The following JRK variants were observed in gnomAD, a reference collection of about 807,000 sequenced individuals.
The protein encoded by JRK is Jrk helix-turn-helix protein, also known as jerky protein homolog.
For missense variants in JRK, 720 were observed against 509.2 expected (o/e 1.41, Z -3.98); for synonymous variants, 303 against 218.1 (o/e 1.39, Z -3.43).
In JRK at chr8:142,660,675, T is replaced by A. The variant is rs1313906581; in HGVS notation, c.*3677A>T. 3.0e-6 allele frequency: 3 copies of A among 984,294 alleles called. No individual in the cohort carries two copies. Among genetic ancestry groups the A allele is most frequent in the Non-Finnish European group, 3.6e-6 (3 of 829,092 alleles). The allele number at this position is 984,294 out of a possible 1,614,324, so 61.0% of individuals were successfully genotyped here. A position where few individuals can be genotyped will look rare whatever the true frequency, so the allele number is the denominator to read the frequency against. Reference sequence around the variant, plus strand: ...CCGTGGCCTTCCAGAGTACTGGGATTTCAGGCAGAAGCCACCACACCCGGA... The same window carrying A: ...CCGTGGCCTTCCAGAGTACTGGGATATCAGGCAGAAGCCACCACACCCGGA... On this transcript the variant is annotated 3_prime_UTR_variant, in exon 2 of 2. Transcript: ENST00000612905.
rs1432718809 is a variant in JRK at position 142,663,444 on chromosome 8, T to C, written c.*908A>G. 1 of 985,356 alleles carries C rather than the reference T, an allele frequency of 1.0e-6. No homozygotes were observed. The highest frequency in any genetic ancestry group is 1.2e-6 in the Non-Finnish European group (1 of 829,944). The allele number at this position is 985,356 out of a possible 1,614,324, so 61.0% of individuals were successfully genotyped here. ...AATCTAAGCAGCCTGTTTTACTGTT[T>C]TCAGTGACTTACGTGCAAACCTAAG... On this transcript the variant is annotated 3_prime_UTR_variant, in exon 2 of 2. Transcript: ENST00000612905.
At chr8:142,669,098 T>C (rs782018125) in intron 1 of JRK, among the ~76,000 whole-genome samples, 6 of 151,712 alleles carry the variant, frequency 4.0e-5, no homozygotes, top group Non-Finnish European at 5.9e-5. Flanking sequence ...GACTCCGTCC[T>C]GTGTGAGGCT....
chr8:142,668,483 A>G (rs1412002816), intron 1 of JRK, among the ~76,000 whole-genome samples: 2 of 151,996 alleles, frequency 1.3e-5, no homozygotes, highest in African/African-American at 4.8e-5. Flanking sequence ...ACCATGGGGA[A>G]CAGGAGGGAA....
In JRK at chr8:142,658,391, CTTT is replaced by C. The variant is rs10656550; in HGVS notation, c.*5958_*5960del. 4.2e-3 allele frequency: 614 copies of C among 146,006 alleles called. 2 individuals carry two copies. The highest frequency in any genetic ancestry group is 8.1e-3 in the African/African-American group (322 of 39,658). The allele number at this position is 146,006 out of a possible 1,614,324, so 9.0% of individuals were successfully genotyped here. ...AGATGGCAATTTTCTATTTTATTTC[CTTT>C]TTTTTTTTTTTTAGCAATAAGGTCT... On this transcript the variant is annotated 3_prime_UTR_variant, in exon 2 of 2. Coordinates refer to ENST00000612905, the MANE Select transcript of JRK (RefSeq NM_003724.4).
At position 142,661,377 on chromosome 8, in the gene JRK, T is replaced by TA. The variant is rs1846910888; in HGVS notation, c.*2974_*2975insT. On this transcript the variant is annotated 3_prime_UTR_variant, in exon 2 of 2. Transcript: ENST00000612905. ...TCCCGAGGGATGGGAGCTCCCAGAG[T>TA]GGAGGCTGCCTGTCCCGAGTGAGGA... 1.0e-6 allele frequency: 1 copy of TA among 985,120 alleles called. No homozygotes were observed. Among genetic ancestry groups the TA allele is most frequent in the South Asian group, 4.7e-5 (1 of 21,272 alleles). The allele number at this position is 985,120 out of a possible 1,614,324, so 61.0% of individuals were successfully genotyped here.
In JRK at chr8:142,661,470, A is replaced by ATGAAGGCAGT; in HGVS notation, c.*2881_*2882insACTGCCTTCA. ...CAAAGATGAAGGCAGTGGTGGAAAG[A>ATGAAGGCAGT]GGTTCTATTAGCAGGCTGGAAGCAG... On this transcript the variant is annotated 3_prime_UTR_variant, in exon 2 of 2. Transcript: ENST00000612905. The ATGAAGGCAGT allele has an allele frequency of 1.0e-6, 1 of 985,488 alleles. No individual in the cohort carries two copies. Among genetic ancestry groups the ATGAAGGCAGT allele is most frequent in the Non-Finnish European group, 1.2e-6 (1 of 829,984 alleles). 61.0% of individuals were successfully genotyped at this position (985,488 alleles called of 1,614,324 possible).
At chr8:142,666,958 A>T (rs1480978088) in intron 1 of JRK, among the ~76,000 whole-genome samples, 1 of 152,246 alleles carries the variant, frequency 6.6e-6, no homozygotes, top group East Asian at 1.9e-4. Flanking sequence ...CAAATCCCTT[A>T]TTCCTCCCTG....
chr8:142,663,484 G>T lies in JRK; in HGVS notation c.*868C>A. 1.0e-6 allele frequency: 1 copy of T among 985,422 alleles called. No homozygotes were observed. Among genetic ancestry groups the T allele is most frequent in the Non-Finnish European group, 1.2e-6 (1 of 829,910 alleles). The allele number at this position is 985,422 out of a possible 1,614,324, so 61.0% of individuals were successfully genotyped here. A position where few individuals can be genotyped will look rare whatever the true frequency, so the allele number is the denominator to read the frequency against. ...GCAAACCTAAGACTAATCTCTGAAT[G>T]TCTGATCAAGACGTATTCATGTAAA... On this transcript the variant is annotated 3_prime_UTR_variant, in exon 2 of 2. Coordinates refer to ENST00000612905, the MANE Select transcript of JRK (RefSeq NM_003724.4).
At chr8:142,647,148 T>C in the JRK span, among the ~76,000 whole-genome samples, 163 of 152,264 alleles carry the variant, frequency 1.1e-3, 2 homozygotes, top group East Asian at 0.03. Flanking sequence ...AAAGATTACC[T>C]ACGTTCTTAA....
chr8:142,650,377 A>G, the JRK span, among the ~76,000 whole-genome samples: 1 of 152,204 alleles, frequency 6.6e-6, no homozygotes, highest in Non-Finnish European at 1.5e-5. Flanking sequence ...ATGTGAGGAC[A>G]TGAGATTTGG....
At chr8:142,657,225 T>A (rs1395242446), downstream of JRK, among the ~76,000 whole-genome samples, 1 of 152,176 alleles carries the variant, frequency 6.6e-6, no homozygotes, top group Non-Finnish European at 1.5e-5. Flanking sequence ...TCTACAATCA[T>A]GCTACCCAGA....
the JRK span, among the ~76,000 whole-genome samples, chr8:142,644,335 CATAATA>C: frequency 6.6e-6 from 1 of 152,012 alleles, no homozygotes; most frequent in Admixed American, 6.6e-5. Flanking sequence ...GATAATTTAA[CATAATA>C]ATTATAATTA....
chr8:142,653,062 T>G (rs1846694644), downstream of JRK, among the ~76,000 whole-genome samples: 1 of 152,234 alleles, frequency 6.6e-6, no homozygotes, highest in Admixed American at 6.5e-5. Flanking sequence ...GCAAAAATTT[T>G]AAGTGCAAGA....
At chr8:142,667,355 G>A (rs367723846) in intron 1 of JRK, among the ~76,000 whole-genome samples, 19 of 152,112 alleles carry the variant, frequency 1.2e-4, no homozygotes, top group African/African-American at 4.6e-4. Context: ...GAAACCCCAG[G>A]CTCTAGTGCT....
Position 142,663,389 on chromosome 8 carries a change from G to C in JRK, c.*963C>G. On this transcript the variant is annotated 3_prime_UTR_variant, in exon 2 of 2. Transcript: ENST00000612905. ...CAAAAGTATTACTAACGTGCTAACA[G>C]CTGGGGATAAGAGCACACATACTGC... The C allele has an allele frequency of 1.0e-6, 1 of 985,478 alleles. No homozygotes were observed. The highest frequency in any genetic ancestry group is 1.2e-6 in the Non-Finnish European group (1 of 829,932). 61.0% of individuals were successfully genotyped at this position (985,478 alleles called of 1,614,324 possible).
In JRK at chr8:142,664,449, G is replaced by A. The variant is rs1554635093; in HGVS notation, c.1610C>T (p.Ala537Val). Residue 537 changes from alanine (A) to valine (V), a missense_variant, in exon 2 of 2, where the codon GCT becomes GTT. Physicochemically the swap from Ala to Val is moderately conservative, Grantham distance 64. Transcript: ENST00000612905. Reference protein sequence around the residue: ...QVRRRRGALGAVVKVEALQEG... With the variant: ...QVRRRRGALGVVVKVEALQEG... ...CTGGAGGGCTTCAACCTTGACCACA[G>A]CCCCGAGGGCACCACGCCGCCTCCT... The A allele has an allele frequency of 1.2e-6, 2 of 1,611,714 alleles. No individual in the cohort carries two copies. Among genetic ancestry groups the A allele is most frequent in the Non-Finnish European group, 1.7e-6 (2 of 1,179,076 alleles).
Position 142,664,767 on chromosome 8 carries a change from T to C in JRK, c.1292A>G (p.Gln431Arg), listed in dbSNP as rs782206054. The change falls in exon 2 of 2, where the codon CAG becomes CGG. Residue 431 changes from glutamine to arginine, a missense_variant. Physicochemically the swap from Gln to Arg is conservative, Grantham distance 43. Coordinates refer to ENST00000612905, the MANE Select transcript of JRK (RefSeq NM_003724.4). The stretch of plus-strand genomic sequence containing the variant: ...GCTGGCGGCCTGGCGCTGGCGAAGC[T>C]GGCCCGGGCAGGAGGAGCCTTCCTT... ...LVKEGSSCPG[Q>R]LRQRQAASWG... The C allele has an allele frequency of 2.3e-5, 37 of 1,589,936 alleles. No individual in the cohort carries two copies. In the East Asian group the frequency reaches 3.7e-4, roughly 16 times the overall value.
At chr8:142,649,920 T>C in the JRK span, among the ~76,000 whole-genome samples, 1 of 152,260 alleles carries the variant, frequency 6.6e-6, no homozygotes, top group Non-Finnish European at 1.5e-5. Context: ...GCTTGCACCG[T>C]GTGCCTGGAA....
chr8:142,658,956 G>T lies in JRK; in HGVS notation c.*5396C>A. 6.2e-7 allele frequency: 1 copy of T among 1,611,584 alleles called. No individual in the cohort carries two copies. The highest frequency in any genetic ancestry group is 8.5e-7 in the Non-Finnish European group (1 of 1,178,838). On this transcript the variant is annotated 3_prime_UTR_variant, in exon 2 of 2. Transcript: ENST00000612905. ...AGGCCCACAGTCTCCTGAAACAACA[G>T]AACTTTGCTGCTTCATGGAGGAGCG...
Sources: allele counts gnomAD v4.1 joint callset (sites outside exome capture counted in the v4.1 genomes callset), GRCh38; gene constraint gnomAD v4.1.1; transcripts MANE v1.5; gene names NCBI Gene and HGNC (gene_info 2026-07-23, HGNC 2026-07-21).